DNM3: variants seen among roughly 807,000 people sequenced by gnomAD.
DNM3 encodes the protein dynamin 3, also known as dynamin-3.
Under a neutral mutation model 101.6 loss-of-function variants are expected in DNM3, and 47 were observed. That is an observed-to-expected ratio of 0.46 (90% CI 0.37 to 0.59). The LOEUF (loss-of-function observed/expected upper bound fraction) is 0.59, where lower values mean the gene tolerates loss of function less well. Ranked by LOEUF, DNM3 falls within the 20% of genes least tolerant of loss-of-function variation. DNM3 has a pLI of 0.00. For missense variants in DNM3, 849 were observed against 1,085.7 expected, an observed-to-expected ratio of 0.78 and a Z score of 3.06; for synonymous variants, 385 against 387.9, an observed-to-expected ratio of 0.99 and a Z score of 0.09.
intron 13 of DNM3, among the ~76,000 whole-genome samples, chr1:172,102,626 G>A (rs78652729): frequency 0.022 from 3,289 of 152,164 alleles, 111 homozygotes; most frequent in African/African-American, 0.073. Context: ...CAGAATCTAG[G>A]TTTTCTGCTA....
intron 17 of DNM3, chr1:172,378,196 T>G (rs2068710828): frequency 6.6e-6 from 1 of 152,054 alleles, no homozygotes; most frequent in Non-Finnish European, 1.5e-5. Flanking sequence ...TGTTCTAAAT[T>G]GATTTCAATG....
At chr1:172,234,035 G>C (rs975840770) in intron 14 of DNM3, among the ~76,000 whole-genome samples, 8 of 152,006 alleles carry the variant, frequency 5.3e-5, no homozygotes, top group Non-Finnish European at 8.8e-5. Context: ...TGGAAGTTCT[G>C]GCCAGGGCAA....
intron 14 of DNM3, chr1:172,137,396 A>G (rs2057298899): frequency 6.6e-6 from 1 of 152,312 alleles, no homozygotes; most frequent in Middle Eastern, 3.4e-3. Flanking sequence ...ACATATTGCC[A>G]TAAGACAAGA....
At position 172,262,899 on chromosome 1, in the gene DNM3, G is replaced by A. The variant is rs918255404; in HGVS notation, c.1769+9217G>A. ...GATCTTATTATTATTATATTTTGTG[G>A]ACATTAAAATCAAAACCTTTTGGTT... On this transcript the variant is annotated intron_variant, in intron 15 of 20. Coordinates refer to ENST00000627582, the MANE Select transcript of DNM3 (RefSeq NM_015569.5). 3.3e-5 allele frequency among the ~76,000 whole-genome samples: 5 copies of A among 152,036 alleles called. No individual in the cohort carries two copies. In the South Asian group the frequency reaches 6.2e-4, roughly 19 times the overall value.
intron 11 of DNM3, 45 bp downstream of exon 11, chr1:172,068,950 C>T (rs1284421283): frequency 3.9e-6 from 6 of 1,524,238 alleles, no homozygotes; most frequent in Non-Finnish European, 4.5e-6. Flanking sequence ...TGTGGGAGGT[C>T]GAAGGTCTCT....
intron 14 of DNM3, among the ~76,000 whole-genome samples, chr1:172,224,535 G>T (rs1348494228): frequency 2.0e-5 from 3 of 151,648 alleles, no homozygotes; most frequent in Admixed American, 6.6e-5. Context: ...CCCGAGGGAA[G>T]CAAAAAAAAA....
intron 14 of DNM3, among the ~76,000 whole-genome samples, chr1:172,168,273 T>C (rs1348248946): frequency 1.3e-5 from 2 of 151,860 alleles, no homozygotes; most frequent in African/African-American, 4.8e-5. Flanking sequence ...TTTCTTAAAA[T>C]ATTAACTACA....
intron 20 of DNM3, among the ~76,000 whole-genome samples, chr1:172,406,489 A>G (rs548764847): frequency 1.3e-4 from 20 of 152,124 alleles, no homozygotes; most frequent in Middle Eastern, 3.4e-3. Flanking sequence ...TACCTCCCCA[A>G]AGAAAGATTT....
intron 10 of DNM3, among the ~76,000 whole-genome samples, chr1:172,061,350 A>G (rs1180913091): frequency 2.8e-5 from 4 of 144,672 alleles, no homozygotes; most frequent in Non-Finnish European, 6.0e-5. Flanking sequence ...ATTACTGGGT[A>G]TGTACCCAAA....
intron 2 of DNM3, among the ~76,000 whole-genome samples, chr1:171,965,980 G>A (rs953206091): frequency 6.6e-6 from 1 of 152,104 alleles, no homozygotes; most frequent in African/African-American, 2.4e-5. Flanking sequence ...CGATACTTCT[G>A]TCATCCCCAT....
At chr1:171,848,556 G>A (rs1038238265) in intron 1 of DNM3, among the ~76,000 whole-genome samples, 10 of 152,214 alleles carry the variant, frequency 6.6e-5, no homozygotes, top group South Asian at 2.1e-4. Context: ...AAACCAACAC[G>A]AGCTTCTGAA....
At chr1:172,353,075 G>C (rs1017910629) in intron 17 of DNM3, among the ~76,000 whole-genome samples, 1 of 152,008 alleles carries the variant, frequency 6.6e-6, no homozygotes, top group African/African-American at 2.4e-5. Flanking sequence ...ATACACCCCT[G>C]ATGCTCCATC....
chr1:172,033,128 A>G lies in DNM3; in HGVS notation c.712A>G (p.Ser238Gly). 2 of 1,612,628 alleles carry G rather than the reference A, an allele frequency of 1.2e-6. No homozygotes were observed. The highest frequency in any genetic ancestry group is 4.5e-5 in the East Asian group (2 of 44,838). ...RRGYVGVVNRSQKDIDGKKDI... is the reference protein window; with the variant it reads ...RRGYVGVVNRGQKDIDGKKDI... ...AGGTTACGTGGGGGTGGTAAACAGAAGCCAGAAGGACATAGATGGGAAGAA... is the reference window on the plus strand; with the variant it reads ...AGGTTACGTGGGGGTGGTAAACAGAGGCCAGAAGGACATAGATGGGAAGAA... Residue 238 changes from serine to glycine, a missense_variant, in exon 6 of 21, where the codon AGC becomes GGC. Physicochemically the swap from Ser to Gly is moderately conservative, Grantham distance 56 (BLOSUM62 0). Around this residue, in one of 5 missense-constraint regions of DNM3, gnomAD observed 388 missense variants for 483.0 expected, o/e 0.80. Coordinates refer to ENST00000627582, the MANE Select transcript of DNM3 (RefSeq NM_015569.5).
At chr1:172,116,440 A>G (rs1295685436) in intron 13 of DNM3, among the ~76,000 whole-genome samples, 1 of 152,224 alleles carries the variant, frequency 6.6e-6, no homozygotes, top group Non-Finnish European at 1.5e-5. Flanking sequence ...CCTATCCAGT[A>G]TTCTTTTCTC....
At chr1:172,290,980 G>C (rs563063483) in intron 15 of DNM3, among the ~76,000 whole-genome samples, 1 of 77,768 alleles carries the variant, frequency 1.3e-5, no homozygotes, top group Non-Finnish European at 2.8e-5. Context: ...GAGGACAGAG[G>C]GGGAGTGGTC....
chr1:172,307,277 CTCATCATCACTGA>C lies in DNM3; in HGVS notation c.1770-1444_1770-1432del, dbSNP rs556059443. Reference sequence around the variant, plus strand: ...ATTTATGCAGACACATGAAAAAATGCTCATCATCACTGATCATCAGAGAAATGCAAATCAAAAA... The same window carrying C: ...ATTTATGCAGACACATGAAAAAATGCTCATCAGAGAAATGCAAATCAAAAA... On this transcript the variant is annotated intron_variant, in intron 15 of 20. Transcript: ENST00000627582. 2.7e-3 allele frequency among the ~76,000 whole-genome samples: 418 copies of C among 152,272 alleles called. 1 individual carries two copies. The highest frequency in any genetic ancestry group is 9.4e-3 in the African/African-American group (392 of 41,550).
intron 15 of DNM3, among the ~76,000 whole-genome samples, chr1:172,304,433 G>T (rs2586420): frequency 0.35 from 52,255 of 151,012 alleles, 9,997 homozygotes; most frequent in African/African-American, 0.52. Flanking sequence ...CATACAATAA[G>T]GGGAGATTTT....
Position 172,296,568 on chromosome 1 carries a change from G to A in DNM3, c.1770-12160G>A, listed in dbSNP as rs145020722. Among the ~76,000 whole-genome samples, 357 of 152,262 alleles carry A rather than the reference G, an allele frequency of 2.3e-3. 2 individuals carry two copies. Among genetic ancestry groups the A allele is most frequent in the African/African-American group, 8.2e-3 (340 of 41,536 alleles). ...CAGAAAGAGACTTCTGACTATACAG[G>A]GATGTGGAATTCTTGTTGCTGTAGG... On this transcript the variant is annotated intron_variant, in intron 15 of 20. Transcript: ENST00000627582.
At chr1:172,392,966 G>T (rs921904413) in intron 20 of DNM3, among the ~76,000 whole-genome samples, 1 of 152,208 alleles carries the variant, frequency 6.6e-6, no homozygotes, top group Non-Finnish European at 1.5e-5. Context: ...GAGCCCCTTA[G>T]TGAAGCTGAT....
Sources: gnomAD v4.1 joint callset for allele counts (sites outside exome capture counted in the v4.1 genomes callset) on GRCh38, gnomAD v4.1.1 for gene constraint, gnomAD v4.1.1 regional missense constraint, MANE v1.5 for transcripts, NCBI Gene and HGNC (gene_info 2026-07-23, HGNC 2026-07-21) for gene names.